SHD: variants seen among roughly 807,000 people sequenced by gnomAD.
SHD encodes SH2 domain-containing adapter protein D.
A neutral mutation model predicts 31.2 loss-of-function variants in SHD; 29 were observed. The ratio of observed to expected loss-of-function variants is 0.93; its 90% CI spans 0.69 to 1.27. The LOEUF is 1.27. SHD is among the 50% of genes most tolerant of loss of function. The probability of loss-of-function intolerance (pLI) is 0.00; values close to 1 mark genes in which losing one functional copy is unlikely to be tolerated. For synonymous variants in SHD, 208 were observed against 187.8 expected, an observed-to-expected ratio of 1.11 and a Z score of -0.88; for missense variants, 520 against 453.8, an observed-to-expected ratio of 1.15 and a Z score of -1.33.
intron 3 of SHD, chr19:4,284,508 G>A (rs1397923753): frequency 3.6e-6 from 1 of 280,100 alleles, no homozygotes; most frequent in African/African-American, 2.2e-5. Context: ...TAGGGACTAG[G>A]GCTCCTCTTT....
At chr19:4,285,854 C>CCTTCT (rs981783537) in intron 4 of SHD, among the ~76,000 whole-genome samples, 6 of 147,946 alleles carry the variant, frequency 4.1e-5, no homozygotes, top group East Asian at 2.0e-4. Context: ...GGCCCTTCCT[C>CCTTCT]CTTCTCTTCT....
chr19:4,290,507 G>A lies in SHD; in HGVS notation c.897G>A (p.Leu299=). ...FARTRENQVV[L]GQHSGPFPSV... ...GGACCCGTGAGAACCAGGTGGTGCT[G>A]GGCCAACACAGCGGGCCCTTCCCCA... The change falls in exon 6 of 6, where the codon CTG becomes CTA. Residue 299 remains leucine (L), a synonymous_variant. Transcript: ENST00000543264. 2 of 1,613,630 alleles carry A rather than the reference G, an allele frequency of 1.2e-6. No homozygotes were observed. The highest frequency in any genetic ancestry group is 3.3e-5 in the Admixed American group (2 of 59,988).
chr19:4,288,461 C>A, intron 5 of SHD, 99 bp downstream of exon 5: 133 of 1,256,712 alleles, frequency 1.1e-4, no homozygotes, highest in East Asian at 2.5e-4. Flanking sequence ...CTCCCGCAGC[C>A]ATAGGGAAGG....
At chr19:4,284,006 T>C (rs1417110839) in intron 3 of SHD, among the ~76,000 whole-genome samples, 1 of 151,252 alleles carries the variant, frequency 6.6e-6, no homozygotes, top group African/African-American at 2.4e-5. Flanking sequence ...AAATCAGTTT[T>C]AAAAAATAAA....
At chr19:4,281,186 T>G (rs1333975635) in intron 1 of SHD, among the ~76,000 whole-genome samples, 1 of 151,848 alleles carries the variant, frequency 6.6e-6, no homozygotes, top group African/African-American at 2.4e-5. Context: ...AGCTCATGCC[T>G]GTAATTCCAG....
chr19:4,286,862 G>A (rs1249454190), intron 4 of SHD, among the ~76,000 whole-genome samples: 1 of 151,544 alleles, frequency 6.6e-6, no homozygotes, highest in Admixed American at 6.6e-5. Context: ...CCTGGCGACA[G>A]AGTGAGACTC....
At position 4,288,459 on chromosome 19, in the gene SHD, G is replaced by A. The variant is rs529943135; in HGVS notation, c.836+97G>A. ...GGAAGGGGAGGGTGTGGCTCCCGCA[G>A]CCATAGGGAAGGGCTTCCAGGTCAG... On this transcript the variant is annotated intron_variant, in intron 5 of 5. Transcript: ENST00000543264. 1.6e-5 allele frequency: 22 copies of A among 1,408,018 alleles called. No individual in the cohort carries two copies. The African/African-American group carries it at 3.0e-4, about 19-fold the overall frequency. 87.2% of individuals were successfully genotyped at this position (1,408,018 alleles called of 1,614,324 possible).
Position 4,280,274 on chromosome 19 carries a change from T to G in SHD, c.211T>G (p.Tyr71Asp). The G allele has an allele frequency of 6.2e-7, 1 of 1,613,042 alleles. No individual in the cohort carries two copies. Among genetic ancestry groups the G allele is most frequent in the Non-Finnish European group, 8.5e-7 (1 of 1,179,700 alleles). Residue 71 changes from tyrosine to aspartate, a missense_variant, in exon 1 of 6, where the codon TAT (tyrosine) becomes GAT (aspartate). Transcript: ENST00000543264. Reference sequence around the variant, plus strand: ...CTCCAAGAACCCCGGAGATGCCAAGTATGGTTCTCCCAAGCACCGGCTCAT... The same window carrying G: ...CTCCAAGAACCCCGGAGATGCCAAGGATGGTTCTCCCAAGCACCGGCTCAT... ...GDSKNPGDAK[Y>D]GSPKHRLIKV... is the part of the protein sequence containing the mutation.
chr19:4,286,302 TCCTTCCTTCCTTCCTA>T (rs1568369497), intron 4 of SHD, among the ~76,000 whole-genome samples: 3 of 141,350 alleles, frequency 2.1e-5, no homozygotes, highest in South Asian at 2.3e-4. Context: ...CTTCCTTCCT[TCCTTCCTTCCTTCCTA>T]CCTTCCTTCC....
intron 4 of SHD, among the ~76,000 whole-genome samples, chr19:4,287,279 C>A (rs1440921480): frequency 6.6e-6 from 1 of 151,430 alleles, no homozygotes; most frequent in African/African-American, 2.4e-5. Flanking sequence ...TTACAGTGAG[C>A]CGAGATCGTG....
chr19:4,285,374 C>T (rs555739938), intron 4 of SHD, among the ~76,000 whole-genome samples: 87 of 152,178 alleles, frequency 5.7e-4, no homozygotes, highest in African/African-American at 1.9e-3. Context: ...GCACGTGAGC[C>T]GGGAGACGCT....
chr19:4,279,421 T>G lies in SHD; in HGVS notation c.-643T>G, dbSNP rs1484965036. The G allele has an allele frequency of 2.6e-5, 4 of 151,514 alleles. No individual in the cohort carries two copies. Among genetic ancestry groups the G allele is most frequent in the African/African-American group, 9.7e-5 (4 of 41,216 alleles). The allele number at this position is 151,514 out of a possible 1,614,324, so 9.4% of individuals were successfully genotyped here. A position where few individuals can be genotyped will look rare whatever the true frequency, so the allele number is the denominator to read the frequency against. On this transcript the variant is annotated 5_prime_UTR_variant, in exon 1 of 6. Coordinates refer to ENST00000543264, the MANE Select transcript of SHD (RefSeq NM_020209.4). The surrounding 1 kb of genome is among the most constrained non-coding windows in gnomAD (Gnocchi z 7.5). ...AGGTTTTTATTTCCCTTTGTGCGGG[T>G]GGCTGGGGCCGGATCGAGGCGGCGG...
In SHD at chr19:4,280,014, C is replaced by T; in HGVS notation, c.-50C>T. The T allele has an allele frequency of 6.6e-7, 1 of 1,517,190 alleles. No individual in the cohort carries two copies. The highest frequency in any genetic ancestry group is 8.8e-7 in the Non-Finnish European group (1 of 1,134,778). The allele number at this position is 1,517,190 out of a possible 1,614,324, so 94.0% of individuals were successfully genotyped here. On this transcript the variant is annotated 5_prime_UTR_variant, in exon 1 of 6. Transcript: ENST00000543264. ...TTGGGGAAAGGGGCCCGGAGAAGGG[C>T]ATGTGGGGGCCCCTCTGACAGTGGC...
chr19:4,286,326 T>A (rs1236448330), intron 4 of SHD, among the ~76,000 whole-genome samples: 2 of 141,758 alleles, frequency 1.4e-5, no homozygotes, highest in African/African-American at 5.5e-5. Context: ...CTACCTTCCT[T>A]CCTTCCTTCC....
intron 5 of SHD, 80 bp downstream of exon 5, chr19:4,288,442 A>ACCC: frequency 7.5e-7 from 1 of 1,328,724 alleles, no homozygotes; most frequent in Non-Finnish European, 9.9e-7. Flanking sequence ...AGGGAAGGGG[A>ACCC]GGGTGTGGCT....
rs1003112303 is a variant in SHD, at chr19:4,279,968, C to T, written c.-96C>T. The T allele has an allele frequency of 1.1e-5, 16 of 1,397,084 alleles. No homozygotes were observed. The highest frequency in any genetic ancestry group is 1.5e-5 in the South Asian group (1 of 67,908). 86.5% of individuals were successfully genotyped at this position (1,397,084 alleles called of 1,614,324 possible). On this transcript the variant is annotated 5_prime_UTR_variant, in exon 1 of 6. Coordinates refer to ENST00000543264, the MANE Select transcript of SHD (RefSeq NM_020209.4). This position sits in a 1 kb window ranked among gnomAD's most constrained non-coding sequence, Gnocchi z 7.5. ...CTCATCCTTCCCTGCTCTTCCCTTC[C>T]TCTCCACCTCCTCCTCCTCCTTGGG...
chr19:4,286,206 CTTTCTTTCTTTCTTTCTTTCTTTCT>C (rs1260207226), intron 4 of SHD, among the ~76,000 whole-genome samples: 2 of 111,184 alleles, frequency 1.8e-5, no homozygotes, highest in South Asian at 3.2e-4. Flanking sequence ...CTTTCTTTTT[CTTTCTTTCTTTCTTTCTTTCTTTCT>C]TTTCTTTCTT....
chr19:4,288,325 A>C lies in SHD; in HGVS notation c.799A>C (p.Ser267Arg). 1 of 1,613,892 alleles carries C rather than the reference A, an allele frequency of 6.2e-7. No individual in the cohort carries two copies. Reference protein sequence around the residue: ...CKEGSYLVRLSETNPQDCSLS... With the variant: ...CKEGSYLVRLRETNPQDCSLS... ...GGAAGGCAGCTACCTAGTGCGGCTC[A>C]GTGAGACCAACCCCCAGGACTGCTC... Residue 267 changes from serine to arginine, a missense_variant, in exon 5 of 6, where the codon AGT becomes CGT. Ser to Arg is a moderately radical substitution (Grantham distance 110, BLOSUM62 -1). Transcript: ENST00000543264.
chr19:4,281,236 G>A (rs1439156906), intron 1 of SHD, among the ~76,000 whole-genome samples: 2 of 151,502 alleles, frequency 1.3e-5, no homozygotes, highest in Non-Finnish European at 1.5e-5. Flanking sequence ...CTTGAGCCCA[G>A]GAGTTCGAGA....
Sources: gnomAD v4.1 joint callset for allele counts (sites outside exome capture counted in the v4.1 genomes callset) on GRCh38, gnomAD v4.1.1 for gene constraint, Gnocchi (gnomAD v3.1) non-coding constraint, MANE v1.5 for transcripts, NCBI Gene and HGNC (gene_info 2026-07-23, HGNC 2026-07-21) for gene names.